The following AGAP1 variants were observed in gnomAD, a reference collection of about 807,000 sequenced individuals.
The protein encoded by AGAP1 is arf-GAP with GTPase, ANK repeat and PH domain-containing protein 1.
AGAP1 carries 29 observed loss-of-function variants against 105.3 expected under a neutral mutation model. That is an observed-to-expected ratio of 0.28 (90% CI 0.21 to 0.38). The LOEUF (loss-of-function observed/expected upper bound fraction) is 0.38. AGAP1 is among the 10% of genes least tolerant of loss of function. The probability of loss-of-function intolerance (pLI) is 1.00; values close to 1 mark genes in which losing one functional copy is unlikely to be tolerated. For synonymous variants in AGAP1, 509 were observed against 485.9 expected, an observed-to-expected ratio of 1.05 and a Z score of -0.63; for missense variants, 998 against 1,165.1, an observed-to-expected ratio of 0.86 and a Z score of 2.09.
chr2:235,759,809 A>C (rs1197866261), intron 6 of AGAP1, among the ~76,000 whole-genome samples: 1 of 152,214 alleles, frequency 6.6e-6, no homozygotes, highest in African/African-American at 2.4e-5. Context: ...TTAACCAAAG[A>C]AGCTCTTTCT....
chr2:236,019,931 C>T (rs1301356547), intron 13 of AGAP1, among the ~76,000 whole-genome samples: 1 of 152,230 alleles, frequency 6.6e-6, no homozygotes, highest in Non-Finnish European at 1.5e-5. Context: ...AGGCTGCCTT[C>T]CAGAACCTGC....
intron 11 of AGAP1, among the ~76,000 whole-genome samples, chr2:235,922,538 G>A (rs2125110530): frequency 6.6e-6 from 1 of 152,320 alleles, no homozygotes; most frequent in South Asian, 2.1e-4. Context: ...AAGGCGCAGG[G>A]AATGAACTTT....
chr2:235,761,240 A>G (rs926427860), intron 6 of AGAP1, among the ~76,000 whole-genome samples: 1 of 152,152 alleles, frequency 6.6e-6, no homozygotes, highest in Non-Finnish European at 1.5e-5. Context: ...TCTTCTGGCA[A>G]TTTCTTACCC....
intron 9 of AGAP1, among the ~76,000 whole-genome samples, chr2:235,873,589 C>T (rs1002286984): frequency 6.6e-6 from 1 of 152,136 alleles, no homozygotes; most frequent in African/African-American, 2.4e-5. Flanking sequence ...GCTGGGGAGT[C>T]CGGGCTTTCC....
rs368183402 is a variant in AGAP1, at chr2:235,747,165, C to A, written c.538+2326C>A. On this transcript the variant is annotated intron_variant, in intron 5 of 17. Coordinates refer to ENST00000304032, the MANE Select transcript of AGAP1 (RefSeq NM_001037131.3). This position sits in a 1 kb window ranked among gnomAD's most constrained non-coding sequence, Gnocchi z 5.0. ...TGCCTGGAATCCTGAACCCCACCCC[C>A]CACTGTCCCTGCCCCTGGAGGCAGC... Among the ~76,000 whole-genome samples the A allele has an allele frequency of 1.3e-5, 2 of 152,100 alleles. No homozygotes were observed. Among genetic ancestry groups the A allele is most frequent in the African/African-American group, 2.4e-5 (1 of 41,426 alleles).
intron 13 of AGAP1, among the ~76,000 whole-genome samples, chr2:236,011,304 G>C (rs62189404): frequency 0.024 from 3,603 of 152,354 alleles, 72 homozygotes; most frequent in Non-Finnish European, 0.039. Flanking sequence ...AGCTCAGAAA[G>C]TTCCATTTAA....
intron 13 of AGAP1, among the ~76,000 whole-genome samples, chr2:236,033,236 ACT>A (rs562511517): frequency 5.3e-4 from 81 of 152,200 alleles, no homozygotes; most frequent in African/African-American, 1.8e-3. Context: ...CAGGAGCGAA[ACT>A]CTGTCTCAAA....
chr2:235,910,286 G>T (rs377263139), intron 11 of AGAP1, among the ~76,000 whole-genome samples: 1 of 7,686 alleles, frequency 1.3e-4, no homozygotes, highest in Admixed American at 1.4e-3. Flanking sequence ...TGCCTGTGTT[G>T]CAGGGGGGCG....
intron 16 of AGAP1, among the ~76,000 whole-genome samples, chr2:236,067,949 T>A (rs1348057302): frequency 6.6e-6 from 1 of 152,076 alleles, no homozygotes; most frequent in African/African-American, 2.4e-5. Flanking sequence ...GTTGTGTATG[T>A]TCCTGTAAGA....
chr2:235,538,458 T>TGTGTGTGTGTGC, intron 1 of AGAP1, among the ~76,000 whole-genome samples: 1 of 150,528 alleles, frequency 6.6e-6, no homozygotes, highest in South Asian at 2.1e-4. Context: ...TGTGTGTGTG[T>TGTGTGTGTGTGC]GTGCATGCTT....
intron 8 of AGAP1, among the ~76,000 whole-genome samples, chr2:235,802,879 GTGGTTGTGATGGTGATGA>G (rs1957586195): frequency 1.9e-5 from 2 of 107,598 alleles, no homozygotes; most frequent in Non-Finnish European, 3.9e-5. Context: ...GATGCTGCTT[GTGGTTGTGATGGTGATGA>G]TGGTTGTGAT....
Position 236,120,355 on chromosome 2 carries a change from G to C in AGAP1, c.2278G>C (p.Val760Leu), listed in dbSNP as rs770360609. The C allele has an allele frequency of 2.5e-6, 4 of 1,611,988 alleles. No homozygotes were observed. The highest frequency in any genetic ancestry group is 2.5e-6 in the Non-Finnish European group (3 of 1,179,760). ...LLLAHGSRDE[V>L]NETCGEGDGR... ...GCTGGCACACGGCTCCCGGGACGAG[G>C]TGAACGAGACCTGCGGGGAGGGAGA... Residue 760 changes from valine to leucine, a missense_variant, in exon 17 of 18, where the codon GTG (valine) becomes CTG (leucine). Transcript: ENST00000304032. This position sits in a 1 kb window ranked among gnomAD's most constrained non-coding sequence, Gnocchi z 6.0.
In AGAP1 at chr2:235,717,504, A is replaced by T. The variant is rs1575214705; in HGVS notation, c.223-53A>T. ...ATTTTAGCCTCTTAGTATTTGCAAA[A>T]TGCCAAATAGAGTGATTTGATGATG... On this transcript the variant is annotated intron_variant, in intron 2 of 17. Coordinates refer to ENST00000304032, the MANE Select transcript of AGAP1 (RefSeq NM_001037131.3). 4 of 1,495,748 alleles carry T rather than the reference A, an allele frequency of 2.7e-6. No individual in the cohort carries two copies. In the African/African-American group the frequency reaches 4.3e-5, roughly 16 times the overall value. 92.7% of individuals were successfully genotyped at this position (1,495,748 alleles called of 1,614,324 possible). A position where few individuals can be genotyped will look rare whatever the true frequency, so the allele number is the denominator to read the frequency against.
rs769047742 is a variant in AGAP1 at position 235,553,965 on chromosome 2, A to C, written c.163+59116A>C. ...AGCCCTCTGAGGTCAGCCCTCCTGG[A>C]CCCCTTACTGGGTGGACAAAGGTTT... On this transcript the variant is annotated intron_variant, in intron 1 of 17. Coordinates refer to ENST00000304032, the MANE Select transcript of AGAP1 (RefSeq NM_001037131.3). The surrounding 1 kb of genome is among the most constrained non-coding windows in gnomAD (Gnocchi z 4.5). 2.6e-5 allele frequency among the ~76,000 whole-genome samples: 4 copies of C among 152,082 alleles called. No homozygotes were observed. The highest frequency in any genetic ancestry group is 5.9e-5 in the Non-Finnish European group (4 of 68,016).
At chr2:235,591,334 A>G (rs1195981814) in intron 1 of AGAP1, among the ~76,000 whole-genome samples, 8 of 152,162 alleles carry the variant, frequency 5.3e-5, no homozygotes, top group Non-Finnish European at 1.2e-4. Context: ...TAAGTTATGT[A>G]AACAGCAACG....
rs1431238893 is a variant in AGAP1, at chr2:235,589,204, T to TG, written c.163+94355_163+94356insG. 1.9e-4 allele frequency among the ~76,000 whole-genome samples: 20 copies of TG among 106,072 alleles called. No individual in the cohort carries two copies. In the South Asian group the frequency reaches 2.6e-3, roughly 14 times the overall value. The allele number at this position is 106,072 out of a possible 152,430, so 69.6% of individuals were successfully genotyped here. A position where few individuals can be genotyped will look rare whatever the true frequency, so the allele number is the denominator to read the frequency against. On this transcript the variant is annotated intron_variant, in intron 1 of 17. Coordinates refer to ENST00000304032, the MANE Select transcript of AGAP1 (RefSeq NM_001037131.3). ...ATAGCTTATTGTTTTGTTTTTTTTT[T>TG]TTTTTTTTTTTTTTTTTTGAGACGG...
In AGAP1 at chr2:236,014,672, G is replaced by A. The variant is rs920050011; in HGVS notation, c.1646-21889G>A. ...CCAGGGAGCTCCATGGCACCCACCC[G>A]CTTCGCGCAGACAGCTCGGAGGCAA... On this transcript the variant is annotated intron_variant, in intron 13 of 17. Coordinates refer to ENST00000304032, the MANE Select transcript of AGAP1 (RefSeq NM_001037131.3). This position sits in a 1 kb window ranked among gnomAD's most constrained non-coding sequence, Gnocchi z 6.3. The A allele has an allele frequency of 1.2e-5, 4 of 345,414 alleles. No homozygotes were observed. The highest frequency in any genetic ancestry group is 2.4e-5 in the Non-Finnish European group (4 of 169,418). The allele number at this position is 345,414 out of a possible 1,614,324, so 21.4% of individuals were successfully genotyped here.
chr2:235,685,572 C>T (rs1273776356), intron 1 of AGAP1, among the ~76,000 whole-genome samples: 1 of 151,810 alleles, frequency 6.6e-6, no homozygotes, highest in Non-Finnish European at 1.5e-5. Flanking sequence ...CACTGCTCCA[C>T]GCGTATACAG....
chr2:236,030,932 G>A (rs2057203687), intron 13 of AGAP1, among the ~76,000 whole-genome samples: 1 of 152,184 alleles, frequency 6.6e-6, no homozygotes, highest in South Asian at 2.1e-4. Context: ...AGATGAAAGT[G>A]GGAAGAGGGA....
Sources: allele counts gnomAD v4.1 joint callset (sites outside exome capture counted in the v4.1 genomes callset), GRCh38; gene constraint gnomAD v4.1.1; non-coding constraint Gnocchi (gnomAD v3.1); transcripts MANE v1.5; gene names NCBI Gene and HGNC (gene_info 2026-07-23, HGNC 2026-07-21).